The following DACH1 variants were observed in gnomAD, a reference collection of about 807,000 sequenced individuals.
The protein encoded by DACH1 is dachshund homolog 1.
Under a neutral mutation model 54.2 loss-of-function variants are expected in DACH1, and 12 were observed. The ratio of observed to expected loss-of-function variants is 0.22; its 90% CI spans 0.14 to 0.36. DACH1 has a LOEUF of 0.36. Among genes scored for constraint, DACH1 ranks in the 10% least tolerant of loss-of-function variants. The probability of loss-of-function intolerance (pLI) is 1.00; values close to 1 mark genes in which losing one functional copy is unlikely to be tolerated. For missense variants in DACH1, 805 were observed against 929.8 expected, an observed-to-expected ratio of 0.87 and a Z score of 1.75; for synonymous variants, 386 against 366.2, an observed-to-expected ratio of 1.05 and a Z score of -0.62.
chr13:71,583,139 T>C (rs1255805592), intron 3 of DACH1, among the ~76,000 whole-genome samples: 1 of 152,160 alleles, frequency 6.6e-6, no homozygotes, highest in Non-Finnish European at 1.5e-5. Flanking sequence ...ATGATCTAAT[T>C]TAATTATTGT....
intron 1 of DACH1, among the ~76,000 whole-genome samples, chr13:71,837,592 C>T (rs1208351275): frequency 6.6e-6 from 1 of 151,914 alleles, no homozygotes; most frequent in Non-Finnish European, 1.5e-5. Context: ...CAGAAATGAC[C>T]TTATTAAAGC....
chr13:71,620,135 A>G (rs1480867314), intron 3 of DACH1, among the ~76,000 whole-genome samples: 1 of 151,962 alleles, frequency 6.6e-6, no homozygotes, highest in Non-Finnish European at 1.5e-5. Flanking sequence ...ATATTATCTG[A>G]TAGACCCATT....
chr13:71,570,931 T>C (rs1193198715), intron 4 of DACH1, among the ~76,000 whole-genome samples: 1 of 152,194 alleles, frequency 6.6e-6, no homozygotes, highest in Non-Finnish European at 1.5e-5. Flanking sequence ...TTTTTTAAAA[T>C]ATGTGTATAT....
chr13:71,700,924 A>G (rs573906152), intron 1 of DACH1, among the ~76,000 whole-genome samples: 7 of 152,306 alleles, frequency 4.6e-5, no homozygotes, highest in Non-Finnish European at 8.8e-5. Flanking sequence ...AAATCCATGG[A>G]TTTCTAAATT....
At chr13:71,512,806 G>T (rs949793937) in intron 6 of DACH1, among the ~76,000 whole-genome samples, 1 of 151,700 alleles carries the variant, frequency 6.6e-6, no homozygotes, top group Admixed American at 6.6e-5. Context: ...GCCTTTTGTT[G>T]TTTCACTTAT....
intron 4 of DACH1, among the ~76,000 whole-genome samples, chr13:71,561,279 A>G (rs1183916569): frequency 6.6e-6 from 1 of 152,158 alleles, no homozygotes; most frequent in Admixed American, 6.5e-5. Context: ...GTTCCCCAAA[A>G]AGATCTGTTG....
intron 1 of DACH1, among the ~76,000 whole-genome samples, chr13:71,777,149 G>A (rs1239622098): frequency 2.0e-5 from 3 of 152,052 alleles, no homozygotes; most frequent in African/African-American, 7.2e-5. Context: ...CCTTAAAATG[G>A]TAAAGGGGAG....
chr13:71,515,022 G>C (rs1881054432), intron 6 of DACH1, among the ~76,000 whole-genome samples: 1 of 151,656 alleles, frequency 6.6e-6, no homozygotes, highest in Non-Finnish European at 1.5e-5. Context: ...TTTTTTATTT[G>C]ATTTTGCACA....
At chr13:71,735,277 T>TATGGGATATACAC (rs1184763173) in intron 1 of DACH1, among the ~76,000 whole-genome samples, 1,868 of 34,366 alleles carry the variant, frequency 0.054, 328 homozygotes, top group Non-Finnish European at 0.25. Context: ...GATACACGTA[T>TATGGGATATACAC]GTATATGGGA....
chr13:71,604,712 C>T (rs1423030670), intron 3 of DACH1, among the ~76,000 whole-genome samples: 7 of 151,814 alleles, frequency 4.6e-5, no homozygotes, highest in Non-Finnish European at 1.0e-4. Context: ...AACTAGACAC[C>T]TTAGAGAACC....
chr13:71,559,739 G>T, intron 5 of DACH1, 81 bp downstream of exon 5: 2 of 1,550,160 alleles, frequency 1.3e-6, no homozygotes, highest in Non-Finnish European at 1.8e-6. Context: ...GATCTATTTG[G>T]AATGAGGGCA....
chr13:71,795,186 T>C (rs1453453211), intron 1 of DACH1, among the ~76,000 whole-genome samples: 1 of 113,084 alleles, frequency 8.8e-6, no homozygotes, highest in Non-Finnish European at 1.7e-5. Context: ...ATTTACAAAA[T>C]GTTTTTTTTT....
intron 7 of DACH1, among the ~76,000 whole-genome samples, chr13:71,485,514 G>A: frequency 7.0e-6 from 1 of 143,232 alleles, no homozygotes; most frequent in African/African-American, 2.6e-5. Flanking sequence ...ATCAACATAG[G>A]ATTTTTTTTA....
intron 1 of DACH1, among the ~76,000 whole-genome samples, chr13:71,818,646 A>T (rs1226550920): frequency 2.0e-5 from 3 of 152,218 alleles, no homozygotes; most frequent in Non-Finnish European, 2.9e-5. Context: ...TGCCCAGTCC[A>T]TCCTCCAGGT....
At chr13:71,705,024 CTA>C (rs1882363435) in intron 1 of DACH1, among the ~76,000 whole-genome samples, 1 of 152,090 alleles carries the variant, frequency 6.6e-6, no homozygotes, top group Admixed American at 6.6e-5. Context: ...GATTAAAAGA[CTA>C]TTCATTTACA....
chr13:71,670,196 C>T (rs1223184749), intron 2 of DACH1, among the ~76,000 whole-genome samples: 1 of 152,122 alleles, frequency 6.6e-6, no homozygotes, highest in East Asian at 1.9e-4. Flanking sequence ...ATTATACTGA[C>T]TAATTCCTTA....
At chr13:71,605,420 A>G (rs998804608) in intron 3 of DACH1, among the ~76,000 whole-genome samples, 21 of 151,934 alleles carry the variant, frequency 1.4e-4, no homozygotes, top group African/African-American at 5.1e-4. Flanking sequence ...ACAAACTTCT[A>G]TTTATGAAAT....
At chr13:71,628,104 A>G (rs1415115968) in intron 3 of DACH1, among the ~76,000 whole-genome samples, 2 of 152,046 alleles carry the variant, frequency 1.3e-5, no homozygotes, top group Non-Finnish European at 2.9e-5. Context: ...GAAAGTTTAC[A>G]TACTTTACAA....
At chr13:71,826,000 A>G (rs1312941194) in intron 1 of DACH1, among the ~76,000 whole-genome samples, 1 of 152,114 alleles carries the variant, frequency 6.6e-6, no homozygotes, top group Non-Finnish European at 1.5e-5. Context: ...AAAGAGATGG[A>G]AAGAATTCAC....
Sources: gnomAD v4.1 joint callset for allele counts (sites outside exome capture counted in the v4.1 genomes callset) on GRCh38, gnomAD v4.1.1 for gene constraint, MANE v1.5 for transcripts, NCBI Gene and HGNC (gene_info 2026-07-23, HGNC 2026-07-21) for gene names.